VPS39: variants seen among roughly 807,000 people sequenced by gnomAD.
VPS39 encodes the protein vam6/Vps39-like protein.
VPS39 carries 70 observed loss-of-function variants against 121.0 expected under a neutral mutation model. The observed-to-expected ratio is 0.58, with a 90% CI of 0.48 to 0.71. The LOEUF is 0.71. VPS39 is among the 30% of genes least tolerant of loss of function. VPS39 has a pLI of 0.00. For synonymous variants in VPS39, 378 were observed against 398.1 expected, an observed-to-expected ratio of 0.95 and a Z score of 0.60; for missense variants, 818 against 1,051.5, an observed-to-expected ratio of 0.78 and a Z score of 3.07.
At chr15:42,169,031 G>A (rs1038727239) in intron 12 of VPS39, among the ~76,000 whole-genome samples, 5 of 152,132 alleles carry the variant, frequency 3.3e-5, no homozygotes, top group South Asian at 2.1e-4. Flanking sequence ...TGGCTTTAGT[G>A]CTGACTTAAA....
At chr15:42,189,072 T>G (rs1346427454) in intron 5 of VPS39, 42 bp downstream of exon 5, 1 of 1,417,146 alleles carries the variant, frequency 7.1e-7, no homozygotes. Context: ...AAGACTGTAT[T>G]GATTAAAGCA....
At chr15:42,195,852 T>C (rs1483561866) in intron 2 of VPS39, among the ~76,000 whole-genome samples, 3 of 152,142 alleles carry the variant, frequency 2.0e-5, no homozygotes, top group Admixed American at 2.0e-4. Flanking sequence ...AAAAAGAGCC[T>C]GCATTGCCAA....
At chr15:42,167,146 G>A (rs948671529) in intron 13 of VPS39, among the ~76,000 whole-genome samples, 13 of 152,222 alleles carry the variant, frequency 8.5e-5, no homozygotes, top group Admixed American at 7.2e-4. Context: ...TGTCCCAGCT[G>A]ACTTTGTAGC....
Position 42,178,213 on chromosome 15 carries a change from C to T in VPS39, c.960+5G>A, listed in dbSNP as rs1333116104. 2 of 1,614,032 alleles carry T rather than the reference C, an allele frequency of 1.2e-6. No homozygotes were observed. The highest frequency in any genetic ancestry group is 1.7e-6 in the Non-Finnish European group (2 of 1,180,016). On this transcript the variant is annotated splice_donor_5th_base_variant and intron_variant, in intron 10 of 24. Transcript: ENST00000318006. ...GAAGGAAGACTAGTCAGGAACAAGA[C>T]TTACTGCGAGCTGCAGAGCCAATTC...
chr15:42,163,308 G>T, intron 21 of VPS39, 42 bp downstream of exon 21: 1 of 1,612,430 alleles, frequency 6.2e-7, no homozygotes, highest in South Asian at 1.1e-5. Flanking sequence ...CCAACGGGGA[G>T]AGGTATGCAC....
At position 42,186,427 on chromosome 15, in the gene VPS39, G is replaced by C. The variant is rs147273280; in HGVS notation, c.534+844C>G. Among the ~76,000 whole-genome samples, 1,327 of 152,160 alleles carry C rather than the reference G, an allele frequency of 8.7e-3. 15 individuals are homozygous for C. The highest frequency in any genetic ancestry group is 0.031 in the African/African-American group (1,268 of 41,504). On this transcript the variant is annotated intron_variant, in intron 7 of 24. Transcript: ENST00000318006. The stretch of plus-strand genomic sequence containing the variant: ...CTGCACTCCCGCCTGGGTGACAGAG[G>C]GGTACCCTGTCTCAAATAAAATAAA...
intron 5 of VPS39, among the ~76,000 whole-genome samples, 199 bp from the exon 6 acceptor site, chr15:42,188,055 C>A (rs1227545544): frequency 6.6e-6 from 1 of 152,148 alleles, no homozygotes; most frequent in Non-Finnish European, 1.5e-5. Flanking sequence ...CACTTCCTCC[C>A]GAAGGGTTGC....
Position 42,161,738 on chromosome 15 carries a change from C to A in VPS39, c.2496G>T (p.Lys832Asn). 1 of 1,614,196 alleles carries A rather than the reference C, an allele frequency of 6.2e-7. No homozygotes were observed. The highest frequency in any genetic ancestry group is 8.5e-7 in the Non-Finnish European group (1 of 1,180,038). Residue 832 changes from lysine to asparagine, a missense_variant, in exon 24 of 25, where the codon AAG becomes AAT. By Grantham distance (94) the Lys-to-Asn change is moderately conservative. Transcript: ENST00000318006. ...ACACCTTCTCCTCTGTGATGATGCA[C>A]TTCACCTGCTGGTGTAAAATCCGCT... The part of the protein sequence containing the change: ...QEERILHQQV[K>N]CIITEEKVCM...
At chr15:42,179,622 T>TAAAA (rs763647635) in intron 8 of VPS39, among the ~76,000 whole-genome samples, 51 of 117,594 alleles carry the variant, frequency 4.3e-4, no homozygotes, top group African/African-American at 1.4e-3. Context: ...AATAAATAAA[T>TAAAA]AAAATAAAAA....
chr15:42,164,248 G>A, intron 19 of VPS39, 110 bp downstream of exon 19: 2 of 1,500,142 alleles, frequency 1.3e-6, no homozygotes, highest in Non-Finnish European at 1.8e-6. Flanking sequence ...TGAAATGCCT[G>A]GTTTTTCCAG....
chr15:42,194,648 G>A (rs892116850), intron 2 of VPS39, among the ~76,000 whole-genome samples: 1 of 151,810 alleles, frequency 6.6e-6, no homozygotes, highest in African/African-American at 2.4e-5. Flanking sequence ...CGGGAGGATC[G>A]CCTGAGCCTA....
intron 4 of VPS39, among the ~76,000 whole-genome samples, chr15:42,189,797 T>G (rs1383126323): frequency 2.0e-5 from 1 of 49,140 alleles, no homozygotes; most frequent in Non-Finnish European, 7.5e-5. Context: ...AAACACTCTT[T>G]TTTTTTTTTT....
intron 1 of VPS39, among the ~76,000 whole-genome samples, chr15:42,204,317 A>G (rs1277904374): frequency 1.3e-5 from 2 of 152,230 alleles, no homozygotes; most frequent in Non-Finnish European, 2.9e-5. Context: ...TTCAGATTCA[A>G]TGGCTTTGAA....
At chr15:42,206,524 G>A (rs376246740) in intron 1 of VPS39, among the ~76,000 whole-genome samples, 4 of 152,206 alleles carry the variant, frequency 2.6e-5, no homozygotes, top group South Asian at 2.1e-4. Flanking sequence ...GAGTTGGTGA[G>A]AGTCTAGGAG....
chr15:42,179,405 T>TAA (rs908814358), intron 8 of VPS39, among the ~76,000 whole-genome samples: 1 of 140,578 alleles, frequency 7.1e-6, no homozygotes, highest in Non-Finnish European at 1.6e-5. Context: ...CTGTCTCTAC[T>TAA]AAAAAAAAAA....
intron 12 of VPS39, among the ~76,000 whole-genome samples, chr15:42,168,018 T>C (rs561298623): frequency 1.3e-5 from 2 of 152,366 alleles, no homozygotes; most frequent in East Asian, 3.9e-4. Context: ...TGAAGGAAGA[T>C]AACATTTCTA....
chr15:42,199,367 T>G (rs2050015785), intron 2 of VPS39, among the ~76,000 whole-genome samples: 2 of 152,208 alleles, frequency 1.3e-5, no homozygotes, highest in South Asian at 4.2e-4. Flanking sequence ...CCCCAACAAC[T>G]TTGTGGGGCA....
intron 2 of VPS39, among the ~76,000 whole-genome samples, chr15:42,197,582 A>T (rs2140886523): frequency 6.6e-6 from 1 of 152,226 alleles, no homozygotes; most frequent in East Asian, 1.9e-4. Context: ...TGAAGCCTAG[A>T]GATGTCTATT....
At chr15:42,202,887 C>G (rs1294690922) in intron 1 of VPS39, among the ~76,000 whole-genome samples, 1 of 152,172 alleles carries the variant, frequency 6.6e-6, no homozygotes, top group African/African-American at 2.4e-5. Flanking sequence ...TGCTGTCACA[C>G]TGGGGCTTAA....
Sources: gnomAD v4.1 joint callset for allele counts (sites outside exome capture counted in the v4.1 genomes callset) on GRCh38, gnomAD v4.1.1 for gene constraint, MANE v1.5 for transcripts, NCBI Gene and HGNC (gene_info 2026-07-23, HGNC 2026-07-21) for gene names.